SLC44A5: variants seen among roughly 807,000 people sequenced by gnomAD.
The protein encoded by SLC44A5 is choline transporter-like protein 5.
A neutral mutation model predicts 101.8 loss-of-function variants in SLC44A5; 57 were observed. The ratio of observed to expected loss-of-function variants is 0.56; its 90% CI spans 0.45 to 0.70. The LOEUF (loss-of-function observed/expected upper bound fraction) is 0.70. SLC44A5 is among the 30% of genes least tolerant of loss of function. The pLI, the probability that SLC44A5 is intolerant of heterozygous loss-of-function variation, is 0.00. For synonymous variants in SLC44A5, 281 were observed against 290.9 expected (o/e 0.97, Z 0.35); for missense variants, 737 against 853.1 (o/e 0.86, Z 1.70).
At chr1:75,361,493 C>T (rs1319983722) in intron 3 of SLC44A5, among the ~76,000 whole-genome samples, 2 of 151,978 alleles carry the variant, frequency 1.3e-5, no homozygotes, top group Non-Finnish European at 2.9e-5. Context: ...TTATGATATA[C>T]AGCCTTTATT....
chr1:75,576,749 A>G (rs1057214846), intron 1 of SLC44A5, among the ~76,000 whole-genome samples: 1 of 152,164 alleles, frequency 6.6e-6, no homozygotes, highest in African/African-American at 2.4e-5. Context: ...AAATCCTTAG[A>G]CGCAGATCTC....
At chr1:75,462,673 T>A (rs897382949) in intron 2 of SLC44A5, among the ~76,000 whole-genome samples, 5 of 150,722 alleles carry the variant, frequency 3.3e-5, no homozygotes, top group African/African-American at 1.2e-4. Context: ...TCAGAAAAAA[T>A]TTAACAAAGA....
chr1:75,405,223 A>T (rs1662769822), intron 2 of SLC44A5, among the ~76,000 whole-genome samples: 1 of 152,222 alleles, frequency 6.6e-6, no homozygotes, highest in South Asian at 2.1e-4. Flanking sequence ...TTAGAGACCT[A>T]CAAAGAGACT....
At chr1:75,407,847 C>T (rs1418191873) in intron 2 of SLC44A5, among the ~76,000 whole-genome samples, 1 of 152,136 alleles carries the variant, frequency 6.6e-6, no homozygotes, top group Non-Finnish European at 1.5e-5. Context: ...CAACAAAAGC[C>T]AAAATTGACA....
chr1:75,545,207 A>C (rs1271276300), intron 1 of SLC44A5, among the ~76,000 whole-genome samples: 2 of 152,174 alleles, frequency 1.3e-5, no homozygotes, highest in African/African-American at 4.8e-5. Context: ...TAATGGCTGC[A>C]TGGTATTCCA....
chr1:75,343,686 A>G (rs546195229), intron 3 of SLC44A5, among the ~76,000 whole-genome samples: 1 of 152,302 alleles, frequency 6.6e-6, no homozygotes, highest in East Asian at 1.9e-4. Flanking sequence ...AGGTCAGATT[A>G]CTTTCCAGTG....
At chr1:75,630,009 T>C in the SLC44A5 span, among the ~76,000 whole-genome samples, 1 of 152,188 alleles carries the variant, frequency 6.6e-6, no homozygotes, top group Non-Finnish European at 1.5e-5. Context: ...CCCCAGCCTA[T>C]GTAAGTAGGA....
chr1:75,257,528 C>G (rs964387370), intron 6 of SLC44A5, among the ~76,000 whole-genome samples: 1 of 152,112 alleles, frequency 6.6e-6, no homozygotes, highest in Non-Finnish European at 1.5e-5. Flanking sequence ...AGCTGGGAAC[C>G]TAGAGAGGCT....
At chr1:75,439,719 A>C (rs1665090012) in intron 2 of SLC44A5, among the ~76,000 whole-genome samples, 1 of 152,170 alleles carries the variant, frequency 6.6e-6, no homozygotes, top group South Asian at 2.1e-4. Flanking sequence ...GATTTAAAAG[A>C]TCTAACAATC....
chr1:75,321,417 A>G (rs897711959), intron 4 of SLC44A5, among the ~76,000 whole-genome samples: 4 of 151,988 alleles, frequency 2.6e-5, no homozygotes, highest in Admixed American at 2.6e-4. Context: ...CCTGATTTCT[A>G]GATGAATGCC....
chr1:75,204,077 G>T (rs533712817), intron 23 of SLC44A5, among the ~76,000 whole-genome samples: 1 of 152,160 alleles, frequency 6.6e-6, no homozygotes, highest in Admixed American at 6.5e-5. Context: ...GTCAGATTCT[G>T]CCAATATTGC....
At chr1:75,500,874 TC>T (rs1399350352) in intron 2 of SLC44A5, among the ~76,000 whole-genome samples, 11 of 152,296 alleles carry the variant, frequency 7.2e-5, no homozygotes, top group East Asian at 3.9e-4. Flanking sequence ...GCCAACTCTC[TC>T]ATTTTCTAGT....
At chr1:75,409,686 C>T (rs1001466874) in intron 2 of SLC44A5, among the ~76,000 whole-genome samples, 1 of 151,718 alleles carries the variant, frequency 6.6e-6, no homozygotes, top group Non-Finnish European at 1.5e-5. Context: ...ATTGATATTT[C>T]AGGAAATAGC....
At chr1:75,353,206 G>A (rs1433141267) in intron 3 of SLC44A5, among the ~76,000 whole-genome samples, 2 of 152,158 alleles carry the variant, frequency 1.3e-5, no homozygotes. Context: ...TCCAAAACAT[G>A]TTAGCAATAT....
Position 75,251,297 on chromosome 1 carries a change from G to A in SLC44A5, c.261-3C>T. ...AGTAAAACAAAATGGTCTTGTTCCTGTTAAGAAAGAAAACATAATCTTTTT... is the reference window on the plus strand; with the variant it reads ...AGTAAAACAAAATGGTCTTGTTCCTATTAAGAAAGAAAACATAATCTTTTT... On this transcript the variant is annotated splice_region_variant and splice_polypyrimidine_tract_variant and intron_variant, in intron 6 of 23. Transcript: ENST00000370859. The A allele has an allele frequency of 6.2e-7, 1 of 1,607,922 alleles. No individual in the cohort carries two copies. The highest frequency in any genetic ancestry group is 1.3e-5 in the African/African-American group (1 of 74,924).
chr1:75,708,067 G>A, the SLC44A5 span, among the ~76,000 whole-genome samples: 11 of 151,966 alleles, frequency 7.2e-5, no homozygotes, highest in Non-Finnish European at 1.6e-4. Flanking sequence ...CAAGGCTAGT[G>A]GGAATGTTAA....
chr1:75,648,904 T>C, the SLC44A5 span, among the ~76,000 whole-genome samples: 2 of 152,216 alleles, frequency 1.3e-5, no homozygotes, highest in Admixed American at 6.5e-5. Flanking sequence ...TTTTATAATA[T>C]ATTACAGCTG....
At chr1:75,490,804 A>C (rs1380322952) in intron 2 of SLC44A5, among the ~76,000 whole-genome samples, 1 of 152,224 alleles carries the variant, frequency 6.6e-6, no homozygotes, top group African/African-American at 2.4e-5. Flanking sequence ...AGACACATTC[A>C]AGAACAGTGT....
chr1:75,677,960 G>C, the SLC44A5 span: 2 of 195,616 alleles, frequency 1.0e-5, no homozygotes, highest in African/African-American at 4.8e-5. Context: ...GAAGTGCAAG[G>C]GGTCAGGGAG....
Sources: gnomAD v4.1 joint callset for allele counts (sites outside exome capture counted in the v4.1 genomes callset) on GRCh38, gnomAD v4.1.1 for gene constraint, MANE v1.5 for transcripts, NCBI Gene and HGNC (gene_info 2026-07-23, HGNC 2026-07-21) for gene names.